Variants in TNRC18 observed in about 807,000 individuals in gnomAD.
TNRC18 encodes the protein trinucleotide repeat containing 18.
In TNRC18, 69 loss-of-function variants were observed where a neutral mutation model predicts 226.7. That is an observed-to-expected ratio of 0.30 (90% CI 0.25 to 0.37). TNRC18 has a LOEUF of 0.37. Ranked by LOEUF, TNRC18 falls within the 10% of genes least tolerant of loss-of-function variation. TNRC18 has a pLI of 1.00. For missense variants in TNRC18, 4,754 were observed against 4,256.6 expected, an observed-to-expected ratio of 1.12 and a Z score of -3.25; for synonymous variants, 2,449 against 1,927.6, an observed-to-expected ratio of 1.27 and a Z score of -7.09.
chr7:5,356,168 TA>T (rs1172689513), intron 16 of TNRC18, among the ~76,000 whole-genome samples: 205 of 99,604 alleles, frequency 2.1e-3, no homozygotes, highest in Non-Finnish European at 2.7e-3. Context: ...CGTCTCAAAT[TA>T]AAAAAAAAAA....
At chr7:5,316,732 G>A (rs774619514) in intron 24 of TNRC18, among the ~76,000 whole-genome samples, 10 of 152,220 alleles carry the variant, frequency 6.6e-5, no homozygotes, top group African/African-American at 1.4e-4. Context: ...AGGGGAGGGC[G>A]GCAGTGGGAG....
In TNRC18 at chr7:5,307,889, G is replaced by A. The variant is rs1786711196; in HGVS notation, c.*217C>T. The A allele has an allele frequency of 5.1e-6, 3 of 584,434 alleles. No homozygotes were observed. The highest frequency in any genetic ancestry group is 6.0e-5 in the Admixed American group (2 of 33,132). The allele number at this position is 584,434 out of a possible 1,614,324, so 36.2% of individuals were successfully genotyped here. On this transcript the variant is annotated 3_prime_UTR_variant, in exon 30 of 30. Coordinates refer to ENST00000430969, the MANE Select transcript of TNRC18 (RefSeq NM_001080495.3). ...GGGGCCCCTGTCCTGGGGGCACTGA[G>A]GGGTTGGAAGGTGGGGCTGGAGGCA...
chr7:5,390,328 C>G (rs1420280623), intron 4 of TNRC18, 157 bp downstream of exon 4: 1 of 815,236 alleles, frequency 1.2e-6, no homozygotes, highest in Non-Finnish European at 1.9e-6. Context: ...CACTGCACTC[C>G]AGCCTGGGCA....
At chr7:5,379,399 A>T (rs1365226042) in intron 5 of TNRC18, among the ~76,000 whole-genome samples, 1 of 144,784 alleles carries the variant, frequency 6.9e-6, no homozygotes, top group African/African-American at 2.5e-5. Flanking sequence ...CAGACTCTAA[A>T]GAAAAAAAAA....
Position 5,345,873 on chromosome 7 carries a change from G to GC in TNRC18, c.5471-64dup, listed in dbSNP as rs947956989. On this transcript the variant is annotated intron_variant, in intron 17 of 29. Transcript: ENST00000430969. ...GCCTTGGCGAGGGCCACCCCCCACC[G>GC]CCCCCTGGCCCAGAGTGGCCTCTGG... is the stretch of plus-strand genomic sequence containing the variant. 7 of 1,487,028 alleles carry GC rather than the reference G, an allele frequency of 4.7e-6. 1 individual carries two copies. In the African/African-American group the frequency reaches 6.9e-5, roughly 15 times the overall value. The allele number at this position is 1,487,028 out of a possible 1,614,324, so 92.1% of individuals were successfully genotyped here.
At chr7:5,334,619 C>A (rs1236514580) in intron 18 of TNRC18, among the ~76,000 whole-genome samples, 1 of 152,162 alleles carries the variant, frequency 6.6e-6, no homozygotes, top group Admixed American at 6.5e-5. Context: ...CAACTTTCCA[C>A]TGTGCAAGGA....
At chr7:5,325,942 C>A (rs1414756512) in intron 19 of TNRC18, among the ~76,000 whole-genome samples, 4 of 151,526 alleles carry the variant, frequency 2.6e-5, no homozygotes, top group Non-Finnish European at 5.9e-5. Context: ...CTATGTTGCC[C>A]AGGCTGGTCT....
At chr7:5,321,564 C>T (rs1024288684) in intron 21 of TNRC18, among the ~76,000 whole-genome samples, 7 of 152,170 alleles carry the variant, frequency 4.6e-5, no homozygotes, top group East Asian at 1.9e-4. Flanking sequence ...CAGCCATCAC[C>T]GGACACTCAC....
chr7:5,306,940 A>AGAT lies in TNRC18; in HGVS notation c.*1163_*1165dup, dbSNP rs1214908771. On this transcript the variant is annotated 3_prime_UTR_variant, in exon 30 of 30. Coordinates refer to ENST00000430969, the MANE Select transcript of TNRC18 (RefSeq NM_001080495.3). The stretch of plus-strand genomic sequence containing the variant: ...CAAAGTCTGGCTTTTCCTTCCCTCA[A>AGAT]GATTGTCTGGTTGAGGCCTTGGTTT... The AGAT allele has an allele frequency of 6.6e-6, 1 of 150,868 alleles. No individual in the cohort carries two copies. Among genetic ancestry groups the AGAT allele is most frequent in the Non-Finnish European group, 1.5e-5 (1 of 67,856 alleles). The allele number at this position is 150,868 out of a possible 1,614,324, so 9.3% of individuals were successfully genotyped here.
intron 22 of TNRC18, 118 bp downstream of exon 22, chr7:5,320,955 C>G (rs1788290505): frequency 2.6e-6 from 2 of 766,278 alleles, no homozygotes; most frequent in African/African-American, 1.7e-5. Flanking sequence ...TGCCCCTGCC[C>G]TGTGCCATCG....
chr7:5,351,769 A>ACT (rs1160016691), intron 17 of TNRC18, 50 bp downstream of exon 17: 3 of 1,510,596 alleles, frequency 2.0e-6, no homozygotes, highest in Non-Finnish European at 2.7e-6. Context: ...ACTCGCACGC[A>ACT]CTCTCTCGCT....
rs1322079414 is a variant in TNRC18 at position 5,362,503 on chromosome 7, C to G, written c.4395+147G>C. ...GGGCAACCACTTGACTGGGACCACA[C>G]AGCACATCAGCACAAGGAGCTGAAC... On this transcript the variant is annotated intron_variant, in intron 12 of 29. Transcript: ENST00000430969. 5 of 740,324 alleles carry G rather than the reference C, an allele frequency of 6.8e-6. No homozygotes were observed. The Admixed American group carries it at 9.8e-5, about 15-fold the overall frequency. 45.9% of individuals were successfully genotyped at this position (740,324 alleles called of 1,614,324 possible). A position where few individuals can be genotyped will look rare whatever the true frequency, so the allele number is the denominator to read the frequency against.
chr7:5,318,818 A>T (rs1425082687), intron 24 of TNRC18, among the ~76,000 whole-genome samples: 1 of 152,188 alleles, frequency 6.6e-6, no homozygotes, highest in Non-Finnish European at 1.5e-5. Flanking sequence ...AACTATCTCT[A>T]AAGAATAAGG....
At chr7:5,405,402 C>G (rs1781396973) in intron 2 of TNRC18, among the ~76,000 whole-genome samples, 2 of 152,012 alleles carry the variant, frequency 1.3e-5, no homozygotes. Context: ...AACCCTGTCT[C>G]TACTAAACAT....
At chr7:5,420,040 C>G (rs571905498) in intron 2 of TNRC18, 7 of 192,686 alleles carry the variant, frequency 3.6e-5, no homozygotes, top group Non-Finnish European at 7.7e-5. Flanking sequence ...CAGGGACAGC[C>G]CGGGAAGGAG....
chr7:5,380,629 C>G (rs1041124429), intron 5 of TNRC18, among the ~76,000 whole-genome samples: 8 of 152,186 alleles, frequency 5.3e-5, no homozygotes, highest in African/African-American at 1.9e-4. Flanking sequence ...ACCTGGACCT[C>G]CAACATCAAC....
chr7:5,393,869 C>T (rs948683072), intron 3 of TNRC18, among the ~76,000 whole-genome samples: 4 of 152,232 alleles, frequency 2.6e-5, no homozygotes, highest in East Asian at 1.9e-4. Context: ...CAGGTCCCCC[C>T]GCTCTGGGAA....
chr7:5,307,484 C>T lies in TNRC18; in HGVS notation c.*622G>A, dbSNP rs535477006. On this transcript the variant is annotated 3_prime_UTR_variant, in exon 30 of 30. Coordinates refer to ENST00000430969, the MANE Select transcript of TNRC18 (RefSeq NM_001080495.3). The stretch of plus-strand genomic sequence containing the variant: ...GGTTTGGACCAGGGTGGGCCTGTGC[C>T]GGGCCCTCTCCACCTGGTGCCTTTG... 37 of 442,448 alleles carry T rather than the reference C, an allele frequency of 8.4e-5. No individual in the cohort carries two copies. Among genetic ancestry groups the T allele is most frequent in the East Asian group, 4.4e-4 (6 of 13,632 alleles). The allele number at this position is 442,448 out of a possible 1,614,324, so 27.4% of individuals were successfully genotyped here.
At chr7:5,322,177 C>T (rs1788440854) in intron 21 of TNRC18, among the ~76,000 whole-genome samples, 1 of 151,860 alleles carries the variant, frequency 6.6e-6, no homozygotes, top group African/African-American at 2.4e-5. Flanking sequence ...ACTTGGGAGG[C>T]TGAGGCAAAA....
Sources: gnomAD v4.1 joint callset for allele counts (sites outside exome capture counted in the v4.1 genomes callset) on GRCh38, gnomAD v4.1.1 for gene constraint, MANE v1.5 for transcripts, NCBI Gene and HGNC (gene_info 2026-07-23, HGNC 2026-07-21) for gene names.